TSHZ2: variants seen among roughly 807,000 people sequenced by gnomAD.
TSHZ2 encodes the protein teashirt zinc finger homeobox 2.
A neutral mutation model predicts 74.4 loss-of-function variants in TSHZ2; 21 were observed. That is an observed-to-expected ratio of 0.28 (90% confidence interval 0.20 to 0.41). The LOEUF is 0.41. TSHZ2 is among the 10% of genes least tolerant of loss of function. The pLI is 1.00. For missense variants in TSHZ2, 1,244 were observed against 1,293.5 expected, an observed-to-expected ratio of 0.96 and a Z score of 0.59; for synonymous variants, 540 against 515.3, an observed-to-expected ratio of 1.05 and a Z score of -0.65.
chr20:53,416,035 G>A (rs1983242905), intron 2 of TSHZ2, among the ~76,000 whole-genome samples: 1 of 152,222 alleles, frequency 6.6e-6, no homozygotes. Context: ...GGGTTTCAGT[G>A]GGGACTAACG....
At chr20:53,211,792 G>A (rs191504999) in intron 1 of TSHZ2, among the ~76,000 whole-genome samples, 1 of 152,262 alleles carries the variant, frequency 6.6e-6, no homozygotes, top group Non-Finnish European at 1.5e-5. Context: ...GTGCAGGTTT[G>A]TTGCATAATG....
intron 2 of TSHZ2, chr20:53,455,520 A>G (rs1435361549): frequency 3.9e-5 from 6 of 152,286 alleles, no homozygotes; most frequent in African/African-American, 1.2e-4. Flanking sequence ...ATTATTTCAT[A>G]AATGTATACT....
In TSHZ2 at chr20:53,348,274, TA is replaced by T. The variant is rs377254086; in HGVS notation, c.*8+91704del. ...ATGAATGGATAAACAAAATGTGGTATATCCATACAATGGAATAGCCATAAAA... is the reference window on the plus strand; with the variant it reads ...ATGAATGGATAAACAAAATGTGGTATTCCATACAATGGAATAGCCATAAAA... On this transcript the variant is annotated intron_variant, in intron 2 of 2. Transcript: ENST00000371497. 4.7e-3 allele frequency among the ~76,000 whole-genome samples: 711 copies of T among 152,328 alleles called. 9 individuals carry two copies. Among genetic ancestry groups the T allele is most frequent in the African/African-American group, 0.016 (683 of 41,580 alleles).
chr20:53,052,894 A>G (rs1984521507), intron 1 of TSHZ2, among the ~76,000 whole-genome samples: 1 of 152,214 alleles, frequency 6.6e-6, no homozygotes, highest in Non-Finnish European at 1.5e-5. Flanking sequence ...CAATTCATAT[A>G]CCATAAAATT....
At chr20:53,106,192 CCTAT>C (rs757996093) in intron 1 of TSHZ2, among the ~76,000 whole-genome samples, 13 of 151,884 alleles carry the variant, frequency 8.6e-5, no homozygotes, top group Non-Finnish European at 1.2e-4. Context: ...ACTTTTTTCT[CCTAT>C]CTAACTGTAA....
chr20:53,056,442 C>T (rs1314791419), intron 1 of TSHZ2, among the ~76,000 whole-genome samples: 1 of 152,166 alleles, frequency 6.6e-6, no homozygotes, highest in African/African-American at 2.4e-5. Flanking sequence ...TCGCCCAATA[C>T]CGTTGTCGTT....
chr20:53,085,673 G>A (rs923208602), intron 1 of TSHZ2, among the ~76,000 whole-genome samples: 1 of 152,172 alleles, frequency 6.6e-6, no homozygotes, highest in Non-Finnish European at 1.5e-5. Flanking sequence ...CCCTGAAAGA[G>A]GGCAAGGACT....
chr20:53,135,037 A>C (rs1051969463), intron 1 of TSHZ2, among the ~76,000 whole-genome samples: 3 of 92,010 alleles, frequency 3.3e-5, no homozygotes, highest in South Asian at 6.9e-4. Flanking sequence ...CACACACACA[A>C]GGGTTGTGGC....
chr20:53,217,848 A>G (rs1989471476), intron 1 of TSHZ2, among the ~76,000 whole-genome samples: 1 of 152,146 alleles, frequency 6.6e-6, no homozygotes, highest in South Asian at 2.1e-4. Flanking sequence ...CTGTGATATC[A>G]TTACTGGTTT....
At chr20:53,071,258 C>T (rs1407843865) in intron 1 of TSHZ2, among the ~76,000 whole-genome samples, 1 of 152,190 alleles carries the variant, frequency 6.6e-6, no homozygotes, top group Non-Finnish European at 1.5e-5. Context: ...CTGAAGTATA[C>T]AGAGACGGGA....
At chr20:53,415,856 G>A (rs1983236892) in intron 2 of TSHZ2, among the ~76,000 whole-genome samples, 1 of 151,326 alleles carries the variant, frequency 6.6e-6, no homozygotes, top group Non-Finnish European at 1.5e-5. Flanking sequence ...GGAGACGTAA[G>A]AGGAAGTCTA....
At chr20:53,445,925 G>A (rs1031722424) in intron 2 of TSHZ2, among the ~76,000 whole-genome samples, 1 of 152,178 alleles carries the variant, frequency 6.6e-6, no homozygotes, top group African/African-American at 2.4e-5. Context: ...AAGGGAGCCA[G>A]CTGAGCCTAG....
intron 2 of TSHZ2, among the ~76,000 whole-genome samples, chr20:53,449,165 T>C (rs950368733): frequency 1.3e-5 from 2 of 152,270 alleles, no homozygotes; most frequent in East Asian, 1.9e-4. Flanking sequence ...TAGTAACCAC[T>C]CTTAACCCCT....
At chr20:53,001,226 G>GTGTGTGTGTGTGTGTGTA (rs1982417187) in intron 1 of TSHZ2, among the ~76,000 whole-genome samples, 4 of 146,720 alleles carry the variant, frequency 2.7e-5, no homozygotes, top group African/African-American at 7.5e-5. Flanking sequence ...GTGTGTGTGT[G>GTGTGTGTGTGTGTGTGTA]TGTGTGTGTG....
chr20:53,109,866 C>A (rs985399931), intron 1 of TSHZ2, among the ~76,000 whole-genome samples: 1 of 152,162 alleles, frequency 6.6e-6, no homozygotes, highest in Non-Finnish European at 1.5e-5. Context: ...GTCATGGCTC[C>A]CTAGGACTCT....
At chr20:53,344,075 G>A (rs1490864443) in intron 2 of TSHZ2, among the ~76,000 whole-genome samples, 1 of 152,168 alleles carries the variant, frequency 6.6e-6, no homozygotes, top group Non-Finnish European at 1.5e-5. Flanking sequence ...GGTAGCCAAT[G>A]CTGTCTTTTC....
chr20:53,083,846 T>A (rs1178161240), intron 1 of TSHZ2, among the ~76,000 whole-genome samples: 2 of 152,162 alleles, frequency 1.3e-5, no homozygotes, highest in South Asian at 2.1e-4. Flanking sequence ...CTATTTTTTT[T>A]ATAAGTTTTC....
At chr20:53,035,151 G>C (rs997603908) in intron 1 of TSHZ2, among the ~76,000 whole-genome samples, 2 of 152,182 alleles carry the variant, frequency 1.3e-5, no homozygotes, top group African/African-American at 4.8e-5. Context: ...CAGCCCACAC[G>C]ACTACAAGCC....
intron 2 of TSHZ2, among the ~76,000 whole-genome samples, chr20:53,468,820 G>A (rs1985644571): frequency 6.7e-6 from 1 of 149,966 alleles, no homozygotes; most frequent in East Asian, 1.9e-4. Flanking sequence ...TACTTTAAAA[G>A]AGGAAGTTCA....
Sources: gnomAD v4.1 joint callset for allele counts (sites outside exome capture counted in the v4.1 genomes callset) on GRCh38, gnomAD v4.1.1 for gene constraint, MANE v1.5 for transcripts, NCBI Gene and HGNC (gene_info 2026-07-23, HGNC 2026-07-21) for gene names.